Variants in KCNQ1 observed in about 807,000 individuals in gnomAD.
KCNQ1 encodes potassium voltage-gated channel subfamily Q member 1.
A neutral mutation model predicts 72.4 loss-of-function variants in KCNQ1; 49 were observed. That is an observed-to-expected ratio of 0.68 (90% CI 0.54 to 0.86). The LOEUF (loss-of-function observed/expected upper bound fraction) is 0.86. Ranked by LOEUF, KCNQ1 falls within the 40% of genes least tolerant of loss-of-function variation. The pLI, the probability that KCNQ1 is intolerant of heterozygous loss-of-function variation, is 0.00. For synonymous variants in KCNQ1, 450 were observed against 412.6 expected (o/e 1.09, Z -1.10); for missense variants, 790 against 945.1 (o/e 0.84, Z 2.15).
At chr11:2,514,542 G>A (rs963139915) in intron 1 of KCNQ1, among the ~76,000 whole-genome samples, 5 of 152,206 alleles carry the variant, frequency 3.3e-5, no homozygotes, top group Admixed American at 1.3e-4. Flanking sequence ...TTGGCCGGGC[G>A]AGGTGGCTCA....
In KCNQ1 at chr11:2,687,975, T is replaced by C; in HGVS notation, c.1514+25894T>C. The C allele has an allele frequency of 7.5e-6, 3 of 398,746 alleles. No individual in the cohort carries two copies. Among genetic ancestry groups the C allele is most frequent in the Non-Finnish European group, 1.3e-5 (3 of 226,178 alleles). The allele number at this position is 398,746 out of a possible 1,614,324, so 24.7% of individuals were successfully genotyped here. ...GTCAGCCAGGCCGCTGCTTCCTGCT[T>C]CCCTTTGATGTCTCCTCGTGCGAGG... On this transcript the variant is annotated intron_variant, in intron 11 of 15. Transcript: ENST00000155840. This position sits in a 1 kb window ranked among gnomAD's most constrained non-coding sequence, Gnocchi z 5.0.
At chr11:2,589,284 G>T (rs879564389) in intron 10 of KCNQ1, among the ~76,000 whole-genome samples, 35 of 152,080 alleles carry the variant, frequency 2.3e-4, no homozygotes, top group Non-Finnish European at 8.8e-5. Flanking sequence ...CACCAGGCCC[G>T]GGTAAAACGT....
At chr11:2,500,420 G>T (rs1400651010) in intron 1 of KCNQ1, among the ~76,000 whole-genome samples, 2 of 152,232 alleles carry the variant, frequency 1.3e-5, no homozygotes, top group African/African-American at 4.8e-5. Flanking sequence ...CTTTTACACT[G>T]TTGGTGGGAG....
intron 11 of KCNQ1, chr11:2,662,927 T>C (rs1849994807): frequency 3.0e-5 from 12 of 398,546 alleles, no homozygotes; most frequent in East Asian, 2.5e-4. Flanking sequence ...TCCTGAGCCA[T>C]GTGTGTCTTT....
rs1316485724 is a variant in KCNQ1, at chr11:2,528,135, A to G, written c.477+117A>G. 4 of 900,184 alleles carry G rather than the reference A, an allele frequency of 4.4e-6. No individual in the cohort carries two copies. In the African/African-American group the frequency reaches 6.5e-5, roughly 15 times the overall value. 55.8% of individuals were successfully genotyped at this position (900,184 alleles called of 1,614,324 possible). ...GCCACTCCCAGCCCCTTGCCCACAC[A>G]TTGGTCCTGCCCTGATACAGGGGGC... On this transcript the variant is annotated intron_variant, in intron 2 of 15. Coordinates refer to ENST00000155840, the MANE Select transcript of KCNQ1 (RefSeq NM_000218.3).
In KCNQ1 at chr11:2,817,122, G is replaced by A. The variant is rs1410577049; in HGVS notation, c.1795-30645G>A. Among the ~76,000 whole-genome samples the A allele has an allele frequency of 1.3e-5, 2 of 152,144 alleles. No individual in the cohort carries two copies. Among genetic ancestry groups the A allele is most frequent in the African/African-American group, 4.8e-5 (2 of 41,448 alleles). On this transcript the variant is annotated intron_variant, in intron 15 of 15. Coordinates refer to ENST00000155840, the MANE Select transcript of KCNQ1 (RefSeq NM_000218.3). This position sits in a 1 kb window ranked among gnomAD's most constrained non-coding sequence, Gnocchi z 6.1. The stretch of plus-strand genomic sequence containing the variant: ...CCCATGACCCAGGCCTGTGGCGCCA[G>A]CCTGCACCCGGCTCTGCTCCACAGG...
chr11:2,668,846 G>A lies in KCNQ1; in HGVS notation c.1514+6765G>A. 1 of 398,610 alleles carries A rather than the reference G, an allele frequency of 2.5e-6. No homozygotes were observed. Among genetic ancestry groups the A allele is most frequent in the Non-Finnish European group, 4.4e-6 (1 of 226,064 alleles). The allele number at this position is 398,610 out of a possible 1,614,324, so 24.7% of individuals were successfully genotyped here. A position where few individuals can be genotyped will look rare whatever the true frequency, so the allele number is the denominator to read the frequency against. ...AAACATTTCCTCTCTGGATAGGGCT[G>A]TTTGTGTCCTATTTAAGAAACTTTG... On this transcript the variant is annotated intron_variant, in intron 11 of 15. Coordinates refer to ENST00000155840, the MANE Select transcript of KCNQ1 (RefSeq NM_000218.3). The surrounding 1 kb of genome is among the most constrained non-coding windows in gnomAD (Gnocchi z 4.3).
In KCNQ1 at chr11:2,678,747, T is replaced by TG; in HGVS notation, c.1514+16670dup. 2.5e-6 allele frequency: 1 copy of TG among 398,562 alleles called. No individual in the cohort carries two copies. Among genetic ancestry groups the TG allele is most frequent in the East Asian group, 3.6e-5 (1 of 28,066 alleles). The allele number at this position is 398,562 out of a possible 1,614,324, so 24.7% of individuals were successfully genotyped here. ...TTAGCTCTTGAGTTAGACAGGAAGC[T>TG]GGGGTGTTTGGGACTGAGGCTTCAT... On this transcript the variant is annotated intron_variant, in intron 11 of 15. Coordinates refer to ENST00000155840, the MANE Select transcript of KCNQ1 (RefSeq NM_000218.3). This position sits in a 1 kb window ranked among gnomAD's most constrained non-coding sequence, Gnocchi z 4.9.
intron 10 of KCNQ1, chr11:2,632,963 T>C (rs1175758777): frequency 2.5e-6 from 1 of 398,518 alleles, no homozygotes; most frequent in Non-Finnish European, 4.4e-6. Context: ...TGTATGATAG[T>C]CTACTTTTAG....
At chr11:2,466,410 G>T (rs1329002303) in intron 1 of KCNQ1, among the ~76,000 whole-genome samples, 1 of 152,146 alleles carries the variant, frequency 6.6e-6, no homozygotes, top group African/African-American at 2.4e-5. Context: ...GAGTTTTGAG[G>T]GAACACAGTG....
At position 2,642,194 on chromosome 11, in the gene KCNQ1, T is replaced by TAG. The variant is rs1267449846; in HGVS notation, c.1394-19765_1394-19764dup. ...TTTGAGAGAGACTGCATTGAATCTG[T>TAG]AGATTGCTTTGGGTAGTATGGTCAT... On this transcript the variant is annotated intron_variant, in intron 10 of 15. Coordinates refer to ENST00000155840, the MANE Select transcript of KCNQ1 (RefSeq NM_000218.3). The surrounding 1 kb of genome is among the most constrained non-coding windows in gnomAD (Gnocchi z 4.3). The TAG allele has an allele frequency of 2.5e-6, 1 of 398,352 alleles. No individual in the cohort carries two copies. The highest frequency in any genetic ancestry group is 2.1e-5 in the African/African-American group (1 of 48,632). 24.7% of individuals were successfully genotyped at this position (398,352 alleles called of 1,614,324 possible).
At chr11:2,796,018 C>T (rs1158518258) in intron 15 of KCNQ1, among the ~76,000 whole-genome samples, 1 of 152,104 alleles carries the variant, frequency 6.6e-6, no homozygotes, top group Non-Finnish European at 1.5e-5. Flanking sequence ...TGAGAGCCAC[C>T]GACATTTCTT....
chr11:2,531,975 C>G (rs564048556), intron 2 of KCNQ1, among the ~76,000 whole-genome samples: 22 of 152,216 alleles, frequency 1.4e-4, no homozygotes, highest in Non-Finnish European at 2.9e-4. Context: ...CCCACCTCAC[C>G]CAGCCTGGGC....
intron 11 of KCNQ1, chr11:2,672,042 A>T (rs1419330352): frequency 2.5e-6 from 1 of 398,500 alleles, no homozygotes; most frequent in African/African-American, 2.1e-5. Context: ...CCCGGTCTGC[A>T]CTCAAGCCCA....
chr11:2,530,883 G>C (rs954147888), intron 2 of KCNQ1, among the ~76,000 whole-genome samples: 1 of 152,152 alleles, frequency 6.6e-6, no homozygotes, highest in Non-Finnish European at 1.5e-5. Context: ...GTTCATGCCT[G>C]TGCTGTGTGT....
intron 11 of KCNQ1, among the ~76,000 whole-genome samples, chr11:2,760,819 T>C (rs1846381136): frequency 6.6e-6 from 1 of 152,208 alleles, no homozygotes; most frequent in Admixed American, 6.5e-5. Context: ...GGCTCGCTTC[T>C]TCAGTGCCCC....
intron 11 of KCNQ1, among the ~76,000 whole-genome samples, chr11:2,728,627 C>T (rs1845803570): frequency 6.6e-6 from 1 of 152,228 alleles, no homozygotes; most frequent in South Asian, 2.1e-4. Flanking sequence ...CCTACTGCAT[C>T]CTCCCAGAAG....
At position 2,679,611 on chromosome 11, in the gene KCNQ1, A is replaced by T. The variant is rs1850353273; in HGVS notation, c.1514+17530A>T. The T allele has an allele frequency of 2.5e-6, 1 of 398,524 alleles. No homozygotes were observed. Among genetic ancestry groups the T allele is most frequent in the Admixed American group, 4.4e-5 (1 of 22,722 alleles). The allele number at this position is 398,524 out of a possible 1,614,324, so 24.7% of individuals were successfully genotyped here. On this transcript the variant is annotated intron_variant, in intron 11 of 15. Transcript: ENST00000155840. The surrounding 1 kb of genome is among the most constrained non-coding windows in gnomAD (Gnocchi z 4.8). ...AAAGCTGATGGGGAGGCGAGTTGGA[A>T]TGAATAGTATCAGCATCAGAAAAAA...
chr11:2,504,425 G>T (rs763358999), intron 1 of KCNQ1, among the ~76,000 whole-genome samples: 3 of 152,258 alleles, frequency 2.0e-5, no homozygotes, highest in South Asian at 4.1e-4. Context: ...GCACAACAGG[G>T]TGACTATAGT....
Sources: gnomAD v4.1 joint callset for allele counts (sites outside exome capture counted in the v4.1 genomes callset) on GRCh38, gnomAD v4.1.1 for gene constraint, Gnocchi (gnomAD v3.1) non-coding constraint, MANE v1.5 for transcripts, NCBI Gene and HGNC (gene_info 2026-07-23, HGNC 2026-07-21) for gene names.